ADCY1: variants seen among roughly 807,000 people sequenced by gnomAD.
ADCY1 encodes the protein adenylate cyclase 1.
In ADCY1, 28 loss-of-function variants were observed where a neutral mutation model predicts 105.4. The ratio of observed to expected loss-of-function variants is 0.27; its 90% CI spans 0.20 to 0.36. The LOEUF (loss-of-function observed/expected upper bound fraction) is 0.36, where lower values mean the gene tolerates loss of function less well. ADCY1 is among the 10% of genes least tolerant of loss of function. The pLI is 1.00. For missense variants in ADCY1, 977 were observed against 1,434.2 expected (o/e 0.68, Z 5.15); for synonymous variants, 655 against 623.8 (o/e 1.05, Z -0.75).
chr7:45,601,574 A>C (rs528902084), intron 2 of ADCY1, among the ~76,000 whole-genome samples: 1 of 151,206 alleles, frequency 6.6e-6, no homozygotes, highest in African/African-American at 2.4e-5. Flanking sequence ...CTCGATGGTG[A>C]TTTTACCTTG....
At position 45,716,218 on chromosome 7, in the gene ADCY1, A is replaced by G. The variant is rs539755224; in HGVS notation, c.*2223A>G. ...GGGACATCCACAGGACCTAATGTTT[A>G]TGTGGAATCTCCAGGCTGCCATCGA... On this transcript the variant is annotated 3_prime_UTR_variant, in exon 20 of 20. Coordinates refer to ENST00000297323, the MANE Select transcript of ADCY1 (RefSeq NM_021116.4). 6.6e-6 allele frequency: 1 copy of G among 152,318 alleles called. No homozygotes were observed. The highest frequency in any genetic ancestry group is 2.1e-4 in the South Asian group (1 of 4,812). The allele number at this position is 152,318 out of a possible 1,614,324, so 9.4% of individuals were successfully genotyped here. A position where few individuals can be genotyped will look rare whatever the true frequency, so the allele number is the denominator to read the frequency against.
Position 45,686,330 on chromosome 7 carries a change from A to T in ADCY1, c.2327+115A>T. On this transcript the variant is annotated intron_variant, in intron 13 of 19. Coordinates refer to ENST00000297323, the MANE Select transcript of ADCY1 (RefSeq NM_021116.4). This position sits in a 1 kb window ranked among gnomAD's most constrained non-coding sequence, Gnocchi z 4.3. ...GAACTAGTCAAGTTGAATTGTATAC[A>T]CAATTTTTAGTTTGGTGGCTGCTTC... 2 of 1,473,606 alleles carry T rather than the reference A, an allele frequency of 1.4e-6. No homozygotes were observed. Among genetic ancestry groups the T allele is most frequent in the Non-Finnish European group, 1.8e-6 (2 of 1,099,066 alleles). The allele number at this position is 1,473,606 out of a possible 1,614,324, so 91.3% of individuals were successfully genotyped here. A position where few individuals can be genotyped will look rare whatever the true frequency, so the allele number is the denominator to read the frequency against.
chr7:45,586,079 C>G (rs931061074), intron 1 of ADCY1, among the ~76,000 whole-genome samples: 2 of 152,156 alleles, frequency 1.3e-5, no homozygotes, highest in African/African-American at 2.4e-5. Flanking sequence ...GACTTCCCTG[C>G]CTTGTGTTCC....
intron 4 of ADCY1, among the ~76,000 whole-genome samples, chr7:45,624,968 TTGCAGTCC>T (rs1794009679): frequency 2.0e-5 from 3 of 152,228 alleles, no homozygotes. Flanking sequence ...CCCAGGCCCT[TTGCAGTCC>T]TGCTGTAGAC....
chr7:45,622,417 C>T lies in ADCY1; in HGVS notation c.909-215C>T, dbSNP rs886148471. On this transcript the variant is annotated intron_variant, in intron 3 of 19. Transcript: ENST00000297323. ...TGAATGGCCTCAGCATTTACTCCCC[C>T]AGTGGCCAAGCCTCGGCGTTCTGTG... Among the ~76,000 whole-genome samples the T allele has an allele frequency of 2.6e-5, 4 of 152,160 alleles. No homozygotes were observed. In the East Asian group the frequency reaches 7.7e-4, roughly 29 times the overall value.
intron 4 of ADCY1, among the ~76,000 whole-genome samples, chr7:45,630,807 T>TCTTTGTTTTTGTTTG (rs1172656915): frequency 6.6e-6 from 1 of 152,164 alleles, no homozygotes; most frequent in East Asian, 1.9e-4. Flanking sequence ...ATTAGAAAGA[T>TCTTTGTTTTTGTTTG]CTTTGTTTTT....
chr7:45,588,527 C>G (rs1246867742), intron 1 of ADCY1, among the ~76,000 whole-genome samples: 1 of 152,258 alleles, frequency 6.6e-6, no homozygotes, highest in African/African-American at 2.4e-5. Context: ...ATGTACCCAT[C>G]TGTGAATTAA....
intron 5 of ADCY1, among the ~76,000 whole-genome samples, chr7:45,650,369 T>C (rs1183430294): frequency 6.6e-6 from 1 of 152,212 alleles, no homozygotes; most frequent in Admixed American, 6.5e-5. Flanking sequence ...TATTTGTGTG[T>C]ATATAGATAA....
At chr7:45,662,703 G>T (rs1376365725) in intron 8 of ADCY1, among the ~76,000 whole-genome samples, 1 of 152,060 alleles carries the variant, frequency 6.6e-6, no homozygotes, top group Admixed American at 6.6e-5. Flanking sequence ...TGTTACTCTC[G>T]GTTAGCAGCC....
intron 8 of ADCY1, among the ~76,000 whole-genome samples, chr7:45,662,823 C>T (rs1462644404): frequency 6.6e-6 from 1 of 152,234 alleles, no homozygotes; most frequent in Non-Finnish European, 1.5e-5. Flanking sequence ...CCCAGGCTTC[C>T]CAGCTTTGCG....
rs1784672333 is a variant in ADCY1 at position 45,686,289 on chromosome 7, C to T, written c.2327+74C>T. 1 of 1,541,830 alleles carries T rather than the reference C, an allele frequency of 6.5e-7. No homozygotes were observed. Among genetic ancestry groups the T allele is most frequent in the Non-Finnish European group, 8.8e-7 (1 of 1,141,702 alleles). The stretch of plus-strand genomic sequence containing the variant: ...AATCTGTGTATACAGATATGCACTA[C>T]AGGCTTCTGAGTCCAGAACTAGTCA... On this transcript the variant is annotated intron_variant, in intron 13 of 19. Coordinates refer to ENST00000297323, the MANE Select transcript of ADCY1 (RefSeq NM_021116.4). The surrounding 1 kb of genome is among the most constrained non-coding windows in gnomAD (Gnocchi z 4.3).
At position 45,622,743 on chromosome 7, in the gene ADCY1, G is replaced by T; in HGVS notation, c.1020G>T (p.Thr340=). ...TCGGCAAGTTCGATGAATTAGCCACGGTAAGTGCAGCGTTTTTCTTTGTTC... is the reference window on the plus strand; with the variant it reads ...TCGGCAAGTTCGATGAATTAGCCACTGTAAGTGCAGCGTTTTTCTTTGTTC... ...ELFGKFDELA[T]ENHCRRIKIL... The change falls in exon 4 of 20, where the codon ACG becomes ACT. Residue 340 remains threonine, a splice_region_variant and synonymous_variant. Coordinates refer to ENST00000297323, the MANE Select transcript of ADCY1 (RefSeq NM_021116.4). 2 of 1,608,828 alleles carry T rather than the reference G, an allele frequency of 1.2e-6. No homozygotes were observed. The highest frequency in any genetic ancestry group is 1.7e-6 in the Non-Finnish European group (2 of 1,177,694).
At chr7:45,692,186 A>G (rs146491703) in intron 14 of ADCY1, among the ~76,000 whole-genome samples, 4 of 152,308 alleles carry the variant, frequency 2.6e-5, no homozygotes, top group Non-Finnish European at 4.4e-5. Context: ...ATCAGGCCCC[A>G]TGCCCACTGG....
At chr7:45,594,723 T>G (rs144360823) in intron 2 of ADCY1, among the ~76,000 whole-genome samples, 39 of 152,280 alleles carry the variant, frequency 2.6e-4, no homozygotes, top group African/African-American at 8.4e-4. Context: ...CTCAGCCCTA[T>G]GGAGGAGGCA....
At chr7:45,667,615 C>G (rs545475377) in intron 8 of ADCY1, among the ~76,000 whole-genome samples, 2 of 152,228 alleles carry the variant, frequency 1.3e-5, no homozygotes, top group South Asian at 2.1e-4. Context: ...GATGTGGGCT[C>G]TTTTTTGGTT....
At chr7:45,673,184 A>G (rs1784395477) in intron 8 of ADCY1, among the ~76,000 whole-genome samples, 1 of 147,526 alleles carries the variant, frequency 6.8e-6, no homozygotes, top group Admixed American at 6.7e-5. Context: ...TTATTTGCTA[A>G]TATTTTGTTA....
intron 4 of ADCY1, among the ~76,000 whole-genome samples, chr7:45,643,243 C>T (rs897971311): frequency 7.3e-5 from 11 of 149,734 alleles, no homozygotes; most frequent in Non-Finnish European, 1.2e-4. Context: ...GTAATTGGTC[C>T]GAGGCTTTTT....
chr7:45,678,693 A>G (rs953487826), intron 10 of ADCY1, among the ~76,000 whole-genome samples: 1 of 150,222 alleles, frequency 6.7e-6, no homozygotes, highest in East Asian at 2.0e-4. Context: ...CAGCCTGAGC[A>G]ATATAGCAAC....
chr7:45,598,176 G>A (rs970671527), intron 2 of ADCY1, among the ~76,000 whole-genome samples: 1 of 152,194 alleles, frequency 6.6e-6, no homozygotes. Flanking sequence ...CTGGGGCTCT[G>A]AAAATTTAAA....
Sources: gnomAD v4.1 joint callset for allele counts (sites outside exome capture counted in the v4.1 genomes callset) on GRCh38, gnomAD v4.1.1 for gene constraint, Gnocchi (gnomAD v3.1) non-coding constraint, MANE v1.5 for transcripts, NCBI Gene and HGNC (gene_info 2026-07-23, HGNC 2026-07-21) for gene names.